Variants in HEATR5B observed in about 807,000 individuals in gnomAD.
The protein encoded by HEATR5B is HEAT repeat containing 5B, also known as HEAT repeat-containing protein 5B.
A neutral mutation model predicts 224.1 loss-of-function variants in HEATR5B; 156 were observed. The observed-to-expected ratio is 0.70, with a 90% CI of 0.61 to 0.80. The LOEUF (loss-of-function observed/expected upper bound fraction) is 0.80. HEATR5B is among the 30% of genes least tolerant of loss of function. The probability of loss-of-function intolerance (pLI) is 0.00; values close to 1 mark genes in which losing one functional copy is unlikely to be tolerated. For missense variants in HEATR5B, 2,323 were observed against 2,535.5 expected (o/e 0.92, Z 1.80); for synonymous variants, 1,027 against 893.0 (o/e 1.15, Z -2.68).
At chr2:37,057,973 G>T (rs1671019296) in intron 14 of HEATR5B, among the ~76,000 whole-genome samples, 1 of 152,122 alleles carries the variant, frequency 6.6e-6, no homozygotes. Flanking sequence ...ATACTGGAAA[G>T]AAATCAATAG....
At chr2:37,014,690 A>G (rs1241237681) in intron 26 of HEATR5B, among the ~76,000 whole-genome samples, 1 of 151,532 alleles carries the variant, frequency 6.6e-6, no homozygotes, top group African/African-American at 2.4e-5. Flanking sequence ...AAAAAAAAAA[A>G]AAAAGAGGCT....
At chr2:37,048,417 T>G (rs1313694586) in intron 18 of HEATR5B, among the ~76,000 whole-genome samples, 1 of 152,026 alleles carries the variant, frequency 6.6e-6, no homozygotes, top group Non-Finnish European at 1.5e-5. Flanking sequence ...ATTCTTGGGC[T>G]CAAGTGATCC....
chr2:37,064,872 TAGAA>T lies in HEATR5B; in HGVS notation c.1448_1451del (p.Phe483Ter). The T allele has an allele frequency of 6.2e-7, 1 of 1,614,078 alleles. No individual in the cohort carries two copies. Among genetic ancestry groups the T allele is most frequent in the Admixed American group, 1.7e-5 (1 of 60,000 alleles). On this transcript the variant is annotated frameshift_variant, in exon 10 of 36. Transcript: ENST00000233099. LOFTEE classifies it high-confidence loss of function. Reference sequence around the variant, plus strand: ...TGTTGAGCCGTTCTGCACACCTGTCTAGAAATGGTGTCAGCTGGAAAGGTAATGC... The same window carrying T: ...TGTTGAGCCGTTCTGCACACCTGTCTATGGTGTCAGCTGGAAAGGTAATGC...
chr2:37,027,796 G>C, intron 24 of HEATR5B, 127 bp downstream of exon 24: 1 of 921,830 alleles, frequency 1.1e-6, no homozygotes, highest in Non-Finnish European at 1.7e-6. Context: ...AAAGGCAAGA[G>C]AACTTACAAT....
At chr2:37,055,081 C>T (rs1318449637) in intron 16 of HEATR5B, 2 of 408,622 alleles carry the variant, frequency 4.9e-6, no homozygotes, top group African/African-American at 2.2e-5. Flanking sequence ...TAAGTAAGTA[C>T]CTTTTGTGCA....
At chr2:37,024,504 A>G (rs1420915011) in intron 24 of HEATR5B, among the ~76,000 whole-genome samples, 1 of 152,210 alleles carries the variant, frequency 6.6e-6, no homozygotes, top group Non-Finnish European at 1.5e-5. Context: ...CATGATATAT[A>G]TATTTGTAAG....
chr2:36,982,098 G>C (rs976244595), intron 35 of HEATR5B, among the ~76,000 whole-genome samples: 1 of 151,706 alleles, frequency 6.6e-6, no homozygotes, highest in Non-Finnish European at 1.5e-5. Flanking sequence ...AATGTATCTT[G>C]AGAGTAAGAT....
chr2:37,055,293 T>G (rs1572900980), intron 16 of HEATR5B, among the ~76,000 whole-genome samples: 1 of 152,040 alleles, frequency 6.6e-6, no homozygotes, highest in East Asian at 1.9e-4. Flanking sequence ...TTATTATATG[T>G]TTATATTTTT....
At chr2:37,079,364 T>C (rs1274909862) in intron 2 of HEATR5B, 33 bp from the exon 3 acceptor site, 4 of 1,291,114 alleles carry the variant, frequency 3.1e-6, no homozygotes, top group African/African-American at 1.5e-5. Context: ...AAGAACATCA[T>C]TAAAAATTTT....
chr2:37,023,643 C>G (rs2148447468), intron 24 of HEATR5B, among the ~76,000 whole-genome samples: 1 of 152,046 alleles, frequency 6.6e-6, no homozygotes, highest in South Asian at 2.1e-4. Context: ...GCGGCGGGTG[C>G]CTGTAATGTC....
In HEATR5B at chr2:37,038,010, T is replaced by C. The variant is rs780802023; in HGVS notation, c.3061A>G (p.Thr1021Ala). The change falls in exon 21 of 36, where the codon ACT becomes GCT. Residue 1021 changes from threonine to alanine, a missense_variant. This residue lies in a region of HEATR5B where 88 missense variants were observed against 86.8 expected (regional missense o/e 1.01). Transcript: ENST00000233099. ...GPELQGNGAT[T>A]STIRSSCLVG... ...AAACAAGAGGAACGAATTGTAGAAG[T>C]TGTTGCTCCATTCCCTGGTGCAAAA... The C allele has an allele frequency of 1.4e-5, 21 of 1,552,196 alleles. 1 individual carries two copies. The highest frequency in any genetic ancestry group is 2.5e-5 in the South Asian group (2 of 79,322).
intron 24 of HEATR5B, among the ~76,000 whole-genome samples, chr2:37,027,390 G>T (rs1003370485): frequency 8.6e-5 from 13 of 152,042 alleles, no homozygotes; most frequent in African/African-American, 3.1e-4. Context: ...GGGATACATG[G>T]TATAAAAAGT....
rs781180114 is a variant in HEATR5B, at chr2:37,049,733, C to T, written c.2616G>A (p.Ala872=). ...DNPNPILRCA[A]GEALGRMAQV... Reference sequence around the variant, plus strand: ...GAGCCATTCTTCCAAGAGCTTCCCCCGCTGCACAACGTAAGATGGGGTTTG... The same window carrying T: ...GAGCCATTCTTCCAAGAGCTTCCCCTGCTGCACAACGTAAGATGGGGTTTG... Residue 872 remains alanine, a synonymous_variant, in exon 18 of 36, where the codon GCG becomes GCA. Transcript: ENST00000233099. 39 of 1,613,784 alleles carry T rather than the reference C, an allele frequency of 2.4e-5. No individual in the cohort carries two copies. The highest frequency in any genetic ancestry group is 3.3e-5 in the South Asian group (3 of 91,088).
intron 8 of HEATR5B, 45 bp from the exon 9 acceptor site, chr2:37,065,955 T>G (rs1357374881): frequency 6.4e-7 from 1 of 1,556,612 alleles, no homozygotes; most frequent in Admixed American, 1.8e-5. Context: ...AAATGAATTG[T>G]GGTATGATTT....
chr2:37,083,725 T>G (rs1418298107), intron 1 of HEATR5B, among the ~76,000 whole-genome samples: 1 of 152,200 alleles, frequency 6.6e-6, no homozygotes, highest in South Asian at 2.1e-4. Flanking sequence ...GCAACACATA[T>G]GTCATTTACC....
At chr2:37,017,070 T>A (rs1480418474) in intron 26 of HEATR5B, among the ~76,000 whole-genome samples, 1 of 152,208 alleles carries the variant, frequency 6.6e-6, no homozygotes, top group African/African-American at 2.4e-5. Context: ...GGGAAAATTA[T>A]AAAGATTAGG....
chr2:37,052,230 T>C (rs1191491237), intron 17 of HEATR5B, among the ~76,000 whole-genome samples: 1 of 152,238 alleles, frequency 6.6e-6, no homozygotes, highest in Non-Finnish European at 1.5e-5. Context: ...CCTAGTATGA[T>C]GCGCGAATCC....
intron 12 of HEATR5B, among the ~76,000 whole-genome samples, chr2:37,060,242 T>C (rs1023671079): frequency 6.6e-6 from 1 of 152,200 alleles, no homozygotes; most frequent in African/African-American, 2.4e-5. Context: ...AGTTTCTTTT[T>C]CTTTAAATAG....
At position 37,002,513 on chromosome 2, in the gene HEATR5B, C is replaced by T. The variant is rs1378390584; in HGVS notation, c.5110G>A (p.Gly1704Ser). 8.1e-6 allele frequency: 13 copies of T among 1,614,170 alleles called. No individual in the cohort carries two copies. The highest frequency in any genetic ancestry group is 1.3e-5 in the African/African-American group (1 of 75,062). The change falls in exon 32 of 36, where the codon GGT becomes AGT. Residue 1704 changes from glycine to serine, a missense_variant. By Grantham distance (56) the Gly-to-Ser change is moderately conservative. Transcript: ENST00000233099. Reference sequence around the variant, plus strand: ...ACAAGAGATTTTCCAGGAATGAGACCACCGCTGTCACCTCCTTCTCCCAAT... The same window carrying T: ...ACAAGAGATTTTCCAGGAATGAGACTACCGCTGTCACCTCCTTCTCCCAAT... ...TVLGEGGDSGGLIPGKSLVFA... is the reference protein window; with the variant it reads ...TVLGEGGDSGSLIPGKSLVFA...
Sources: allele counts gnomAD v4.1 joint callset (sites outside exome capture counted in the v4.1 genomes callset), GRCh38; gene constraint gnomAD v4.1.1; regional missense constraint gnomAD v4.1.1; transcripts MANE v1.5; gene names NCBI Gene and HGNC (gene_info 2026-07-23, HGNC 2026-07-21).